The following TSGA13 variants were observed in gnomAD, a reference collection of about 807,000 sequenced individuals.
TSGA13 encodes testis specific 13.
A neutral mutation model predicts 35.1 loss-of-function variants in TSGA13; 37 were observed. That is an observed-to-expected ratio of 1.05 (90% CI 0.81 to 1.39). TSGA13 has a LOEUF of 1.39. Ranked by LOEUF, TSGA13 falls within the 40% of genes most tolerant of loss-of-function variation. TSGA13 has a pLI of 0.00. For synonymous variants in TSGA13, 124 were observed against 121.2 expected (o/e 1.02, Z -0.15); for missense variants, 338 against 328.5 (o/e 1.03, Z -0.22).
intron 4 of TSGA13, 114 bp downstream of exon 4, chr7:130,680,832 C>T (rs761655818): frequency 2.1e-6 from 2 of 952,430 alleles, no homozygotes; most frequent in Non-Finnish European, 1.7e-6. Context: ...TAAGAGTACG[C>T]ACAGTCACAG....
chr7:130,677,582 G>A lies in TSGA13; in HGVS notation c.387+1573C>T, dbSNP rs557277693. Among the ~76,000 whole-genome samples the A allele has an allele frequency of 5.3e-4, 80 of 152,092 alleles. No homozygotes were observed. The South Asian group carries it at 6.2e-3, about 12-fold the overall frequency. Reference sequence around the variant, plus strand: ...TGGGACTACAGGCATGCAGCACCACGCATGGCTAATTTTTGTATTTTTAGG... The same window carrying A: ...TGGGACTACAGGCATGCAGCACCACACATGGCTAATTTTTGTATTTTTAGG... On this transcript the variant is annotated intron_variant, in intron 5 of 7. Coordinates refer to ENST00000356588, the MANE Select transcript of TSGA13 (RefSeq NM_052933.4).
At chr7:130,669,821 G>A (rs558969713) in intron 7 of TSGA13, among the ~76,000 whole-genome samples, 1 of 152,220 alleles carries the variant, frequency 6.6e-6, no homozygotes. Flanking sequence ...GCTTGTAAAG[G>A]TCAAGTCATA....
intron 2 of TSGA13, among the ~76,000 whole-genome samples, chr7:130,684,832 G>T (rs1554465525): frequency 6.6e-6 from 1 of 152,134 alleles, no homozygotes; most frequent in Non-Finnish European, 1.5e-5. Context: ...CTAATAATTA[G>T]TAATACAGTA....
chr7:130,683,218 G>T (rs1796588494), intron 3 of TSGA13, among the ~76,000 whole-genome samples: 2 of 152,192 alleles, frequency 1.3e-5, no homozygotes, highest in African/African-American at 4.8e-5. Context: ...ATCTGTGGCT[G>T]ATTAAATAAA....
At chr7:130,684,698 T>C (rs1554465515) in intron 2 of TSGA13, among the ~76,000 whole-genome samples, 1 of 152,172 alleles carries the variant, frequency 6.6e-6, no homozygotes, top group African/African-American at 2.4e-5. Flanking sequence ...TGGCCACCAG[T>C]TGCACCATTA....
In TSGA13 at chr7:130,677,337, T is replaced by A. The variant is rs563572446; in HGVS notation, c.387+1818A>T. ...TGGGTTTTGTCTCTTCCACAACTAC[T>A]AATGCACCTTTCTTCAACCTCCAAA... is the stretch of plus-strand genomic sequence containing the variant. On this transcript the variant is annotated intron_variant, in intron 5 of 7. Transcript: ENST00000356588. 1.4e-4 allele frequency among the ~76,000 whole-genome samples: 21 copies of A among 152,344 alleles called. No homozygotes were observed. In the East Asian group the frequency reaches 4.0e-3, roughly 29 times the overall value.
At chr7:130,682,578 C>G (rs1489776695) in intron 3 of TSGA13, among the ~76,000 whole-genome samples, 2 of 152,278 alleles carry the variant, frequency 1.3e-5, no homozygotes, top group Admixed American at 6.5e-5. Context: ...ATACCTCCCC[C>G]ATCAGGAGGC....
Position 130,671,715 on chromosome 7 carries a change from T to C in TSGA13, c.604A>G (p.Met202Val), listed in dbSNP as rs782174751. The C allele has an allele frequency of 3.7e-6, 6 of 1,610,478 alleles. No individual in the cohort carries two copies. The Middle Eastern group carries it at 6.6e-4, about 178-fold the overall frequency. The change falls in exon 7 of 8, where the codon ATG (methionine) becomes GTG (valine). Residue 202 changes from methionine to valine, a missense_variant. Met to Val is a conservative substitution (Grantham distance 21). Coordinates refer to ENST00000356588, the MANE Select transcript of TSGA13 (RefSeq NM_052933.4). ...KVYALRTQKK[M>V]YPQLTFAPVH... is the part of the protein sequence containing the mutation. ...GGAGCAAAGGTGAGCTGAGGGTACA[T>C]TTTCTTCTGTGTCCTCAAAGCGTAG...
intron 2 of TSGA13, among the ~76,000 whole-genome samples, chr7:130,684,416 A>G (rs1796614848): frequency 6.6e-6 from 1 of 152,214 alleles, no homozygotes; most frequent in Non-Finnish European, 1.5e-5. Flanking sequence ...GCTCCTCAGT[A>G]AGATTTGGTT....
intron 2 of TSGA13, 70 bp from the exon 3 acceptor site, chr7:130,683,742 C>T: frequency 7.0e-7 from 1 of 1,438,760 alleles, no homozygotes; most frequent in Non-Finnish European, 9.7e-7. Flanking sequence ...TATTGTCAGT[C>T]TCCCTCAACA....
At chr7:130,680,877 G>C (rs1206148185) in intron 4 of TSGA13, 69 bp downstream of exon 4, 1 of 1,409,756 alleles carries the variant, frequency 7.1e-7, no homozygotes, top group Non-Finnish European at 1.0e-6. Flanking sequence ...AGGGACACTC[G>C]CAGTGGGCAT....
chr7:130,674,175 T>TTC (rs1322425683), intron 5 of TSGA13, among the ~76,000 whole-genome samples: 7 of 133,052 alleles, frequency 5.3e-5, no homozygotes, highest in Non-Finnish European at 1.0e-4. Context: ...TTTTCTTTTT[T>TTC]TTTTTTTTTT....
At chr7:130,683,490 C>T in intron 3 of TSGA13, 104 bp downstream of exon 3, 1 of 989,316 alleles carries the variant, frequency 1.0e-6, no homozygotes, top group East Asian at 2.5e-5. Flanking sequence ...CATTTTTACT[C>T]CTTTTTGCTT....
chr7:130,677,085 G>T (rs1233148711), intron 5 of TSGA13, among the ~76,000 whole-genome samples: 2 of 152,018 alleles, frequency 1.3e-5, no homozygotes, highest in Admixed American at 6.5e-5. Context: ...GTAGAGACGG[G>T]GTTTCACTGG....
intron 5 of TSGA13, among the ~76,000 whole-genome samples, chr7:130,673,736 T>C (rs1157767727): frequency 1.3e-5 from 2 of 152,154 alleles, no homozygotes; most frequent in Non-Finnish European, 2.9e-5. Flanking sequence ...TGCGGCAATC[T>C]GAAATGAAAA....
At chr7:130,676,079 C>T (rs977353975) in intron 5 of TSGA13, among the ~76,000 whole-genome samples, 4 of 152,202 alleles carry the variant, frequency 2.6e-5, no homozygotes, top group South Asian at 2.1e-4. Flanking sequence ...ATATCTAGTA[C>T]ATTCCATAAC....
At chr7:130,673,435 A>T (rs1433054401) in intron 5 of TSGA13, among the ~76,000 whole-genome samples, 1 of 151,992 alleles carries the variant, frequency 6.6e-6, no homozygotes, top group Non-Finnish European at 1.5e-5. Flanking sequence ...TAATCTCACT[A>T]TCAAGTGCTC....
rs1554465003 is a variant in TSGA13 at position 130,680,981 on chromosome 7, C to T, written c.139G>A (p.Glu47Lys). Reference sequence around the variant, plus strand: ...TGGACTGTGTAATGCCGAAGGTTCTCTAGAACAAATTTTGATTGCCCGACT... The same window carrying T: ...TGGACTGTGTAATGCCGAAGGTTCTTTAGAACAAATTTTGATTGCCCGACT... ...DAVGQSKFVLENLRHYTVHPN... is the reference protein window; with the variant it reads ...DAVGQSKFVLKNLRHYTVHPN... Residue 47 changes from glutamate (E) to lysine (K), a missense_variant, in exon 4 of 8, where the codon GAG becomes AAG. Physicochemically the swap from Glu to Lys is moderately conservative, Grantham distance 56. Coordinates refer to ENST00000356588, the MANE Select transcript of TSGA13 (RefSeq NM_052933.4). 2 of 1,614,140 alleles carry T rather than the reference C, an allele frequency of 1.2e-6. No homozygotes were observed. The highest frequency in any genetic ancestry group is 4.5e-5 in the East Asian group (2 of 44,876).
intron 4 of TSGA13, among the ~76,000 whole-genome samples, chr7:130,679,735 G>T (rs1222499109): frequency 1.3e-5 from 2 of 152,074 alleles, no homozygotes; most frequent in Admixed American, 1.3e-4. Context: ...TGTTGCCCAG[G>T]CTGGTTTCAA....
Sources: gnomAD v4.1 joint callset for allele counts (sites outside exome capture counted in the v4.1 genomes callset) on GRCh38, gnomAD v4.1.1 for gene constraint, MANE v1.5 for transcripts, NCBI Gene and HGNC (gene_info 2026-07-23, HGNC 2026-07-21) for gene names.